Variants in MECOM observed in about 807,000 individuals in gnomAD.
MECOM encodes histone-lysine N-methyltransferase MECOM.
Under a neutral mutation model 116.3 loss-of-function variants are expected in MECOM, and 13 were observed. That is an observed-to-expected ratio of 0.11 (90% confidence interval 0.07 to 0.18). The LOEUF is 0.18. MECOM is among the 10% of genes least tolerant of loss of function. The probability of loss-of-function intolerance (pLI) is 1.00; values close to 1 mark genes in which losing one functional copy is unlikely to be tolerated. For missense variants in MECOM, 1,299 were observed against 1,509.0 expected, an observed-to-expected ratio of 0.86 and a Z score of 2.31; for synonymous variants, 528 against 535.2, an observed-to-expected ratio of 0.99 and a Z score of 0.19.
rs554329681 is a variant in MECOM, at chr3:169,188,127, T to A, written c.376-44295A>T. 2.2e-4 allele frequency among the ~76,000 whole-genome samples: 33 copies of A among 152,164 alleles called. No individual in the cohort carries two copies. In the Middle Eastern group the frequency reaches 0.014, roughly 63 times the overall value. On this transcript the variant is annotated intron_variant, in intron 2 of 16. Coordinates refer to ENST00000651503, the MANE Select transcript of MECOM (RefSeq NM_004991.4). Reference sequence around the variant, plus strand: ...ATAAAAAAAATTGAAAATCACATAATCACTATTTTAAGGAATGCAATTCTC... The same window carrying A: ...ATAAAAAAAATTGAAAATCACATAAACACTATTTTAAGGAATGCAATTCTC...
intron 2 of MECOM, 92 bp from the exon 3 acceptor site, chr3:169,143,924 T>C (rs1321023616): frequency 8.8e-6 from 12 of 1,368,984 alleles, no homozygotes; most frequent in Non-Finnish European, 1.1e-5. Flanking sequence ...GAAATGTATA[T>C]TCCTTCTTTG....
chr3:169,480,191 G>C (rs1478425078), intron 1 of MECOM, among the ~76,000 whole-genome samples: 2 of 152,172 alleles, frequency 1.3e-5, no homozygotes, highest in African/African-American at 4.8e-5. Flanking sequence ...AAGCAAGCTA[G>C]TGCTGTCTTC....
At chr3:169,104,295 C>T (rs1206216679) in intron 10 of MECOM, among the ~76,000 whole-genome samples, 1 of 152,152 alleles carries the variant, frequency 6.6e-6, no homozygotes, top group African/African-American at 2.4e-5. Flanking sequence ...TTAGCATGTC[C>T]ATGTTACTTT....
chr3:169,307,120 T>C (rs1293222046), intron 2 of MECOM, among the ~76,000 whole-genome samples: 1 of 152,172 alleles, frequency 6.6e-6, no homozygotes, highest in Non-Finnish European at 1.5e-5. Context: ...GTTCCATTGA[T>C]CAAACAATTA....
At chr3:169,221,629 G>A (rs1418871359) in intron 2 of MECOM, among the ~76,000 whole-genome samples, 3 of 151,600 alleles carry the variant, frequency 2.0e-5, no homozygotes, top group Admixed American at 1.3e-4. Flanking sequence ...TTTTGAATGG[G>A]TTGGGCTAAG....
rs1044771228 is a variant in MECOM at position 169,128,025 on chromosome 3, G to T, written c.649C>A (p.Leu217Ile). 4 of 1,613,918 alleles carry T rather than the reference G, an allele frequency of 2.5e-6. No individual in the cohort carries two copies. Among genetic ancestry groups the T allele is most frequent in the Admixed American group, 1.7e-5 (1 of 59,978 alleles). ...RQYRCEDCDQ[L>I]FESKAELADH... ...GCTAGTTCAGCCTTAGATTCAAAGA[G>T]CTGGTCACAGTCTTCGCAGCGATAT... Residue 217 changes from leucine (L) to isoleucine (I), a missense_variant, in exon 5 of 17, where the codon CTC becomes ATC. This residue lies in a region of MECOM where 374 missense variants were observed against 433.4 expected (regional missense o/e 0.86). Transcript: ENST00000651503.
intron 2 of MECOM, among the ~76,000 whole-genome samples, chr3:169,234,333 C>T (rs1038967672): frequency 6.6e-6 from 1 of 151,712 alleles, no homozygotes; most frequent in Non-Finnish European, 1.5e-5. Flanking sequence ...ATTTTAGGTT[C>T]TATCAAGATT....
intron 2 of MECOM, among the ~76,000 whole-genome samples, chr3:169,289,635 G>A (rs186734324): frequency 1.1e-4 from 16 of 152,174 alleles, no homozygotes; most frequent in Non-Finnish European, 1.6e-4. Flanking sequence ...TCTCTTACTC[G>A]GCATTTGTAT....
intron 1 of MECOM, among the ~76,000 whole-genome samples, chr3:169,413,880 G>A (rs1738043034): frequency 6.6e-6 from 1 of 152,198 alleles, no homozygotes; most frequent in African/African-American, 2.4e-5. Flanking sequence ...AAAGGCAGCA[G>A]CCCCAGTCAG....
intron 1 of MECOM, among the ~76,000 whole-genome samples, chr3:169,567,277 A>C (rs1228754149): frequency 6.6e-6 from 1 of 152,316 alleles, no homozygotes; most frequent in East Asian, 1.9e-4. Flanking sequence ...CCTTAGAATA[A>C]CTTCTAGTCC....
chr3:169,305,960 T>G (rs1294665951), intron 2 of MECOM, among the ~76,000 whole-genome samples: 6 of 152,172 alleles, frequency 3.9e-5, no homozygotes, highest in Non-Finnish European at 5.9e-5. Context: ...AAAGATAATA[T>G]AGAAAAACAT....
chr3:169,168,806 T>G (rs1577236058), intron 2 of MECOM, among the ~76,000 whole-genome samples: 1 of 151,600 alleles, frequency 6.6e-6, no homozygotes, highest in East Asian at 1.9e-4. Flanking sequence ...AAAATGCAAA[T>G]TTGTATACAA....
intron 7 of MECOM, among the ~76,000 whole-genome samples, chr3:169,118,522 AT>A (rs1218325173): frequency 6.6e-6 from 1 of 152,204 alleles, no homozygotes; most frequent in Non-Finnish European, 1.5e-5. Context: ...TGTTTACTAG[AT>A]ATATTAGAAT....
At chr3:169,640,875 A>G (rs1773387721) in intron 1 of MECOM, among the ~76,000 whole-genome samples, 1 of 152,224 alleles carries the variant, frequency 6.6e-6, no homozygotes, top group East Asian at 1.9e-4. Context: ...TTCCAAGGTT[A>G]TGTCACCCTC....
At chr3:169,425,289 A>G (rs1375017043) in intron 1 of MECOM, among the ~76,000 whole-genome samples, 1 of 152,184 alleles carries the variant, frequency 6.6e-6, no homozygotes, top group African/African-American at 2.4e-5. Flanking sequence ...GTGCATGTCC[A>G]TGCTCTTTGC....
intron 1 of MECOM, among the ~76,000 whole-genome samples, chr3:169,472,557 A>AGAAAG (rs1553863187): frequency 6.3e-5 from 4 of 63,262 alleles, no homozygotes; most frequent in African/African-American, 3.6e-4. Flanking sequence ...GGAAAAGAAA[A>AGAAAG]GAGAGGAGAG....
intron 1 of MECOM, among the ~76,000 whole-genome samples, chr3:169,653,197 T>A (rs1445477099): frequency 6.6e-6 from 1 of 152,172 alleles, no homozygotes; most frequent in East Asian, 1.9e-4. Flanking sequence ...ATTACTTAAC[T>A]GCACAGGTTT....
At chr3:169,235,505 T>C (rs1753924244) in intron 2 of MECOM, among the ~76,000 whole-genome samples, 1 of 151,912 alleles carries the variant, frequency 6.6e-6, no homozygotes, top group Non-Finnish European at 1.5e-5. Context: ...ACCTCTCACA[T>C]ATGAAAACGT....
chr3:169,162,941 G>C (rs1230292059), intron 2 of MECOM, among the ~76,000 whole-genome samples: 1 of 151,948 alleles, frequency 6.6e-6, no homozygotes, highest in Non-Finnish European at 1.5e-5. Flanking sequence ...AGGCAAACTA[G>C]AAATATTTTA....
Sources: gnomAD v4.1 joint callset for allele counts (sites outside exome capture counted in the v4.1 genomes callset) on GRCh38, gnomAD v4.1.1 for gene constraint, gnomAD v4.1.1 regional missense constraint, MANE v1.5 for transcripts, NCBI Gene and HGNC (gene_info 2026-07-23, HGNC 2026-07-21) for gene names.